The following CEACAM7 variants were observed in gnomAD, a reference collection of about 807,000 sequenced individuals.
CEACAM7 encodes the protein cell adhesion molecule CEACAM7.
CEACAM7 carries 24 observed loss-of-function variants against 25.7 expected under a neutral mutation model. The ratio of observed to expected loss-of-function variants is 0.93; its 90% CI spans 0.68 to 1.31. The LOEUF is 1.31. Ranked by LOEUF, CEACAM7 falls within the 40% of genes most tolerant of loss-of-function variation. CEACAM7 has a pLI of 0.00. For synonymous variants in CEACAM7, 144 were observed against 129.4 expected (o/e 1.11, Z -0.77); for missense variants, 324 against 330.1 (o/e 0.98, Z 0.14).
At position 41,673,397 on chromosome 19, in the gene CEACAM7, G is replaced by C. The variant is rs971110731; in HGVS notation, c.*1379C>G. ...ATAGCTCCTACTGGGCAATACAACA[G>C]TAGAACAGTGGGTTTTGTAAAATGG... On this transcript the variant is annotated 3_prime_UTR_variant, in exon 5 of 5. Coordinates refer to ENST00000401731, the MANE Select transcript of CEACAM7 (RefSeq NM_001291485.2). 3 of 152,226 alleles carry C rather than the reference G, an allele frequency of 2.0e-5. No homozygotes were observed. Among genetic ancestry groups the C allele is most frequent in the Non-Finnish European group, 4.4e-5 (3 of 68,036 alleles). The allele number at this position is 152,226 out of a possible 1,614,324, so 9.4% of individuals were successfully genotyped here.
In CEACAM7 at chr19:41,688,086, G is replaced by T. The variant is rs782056914; in HGVS notation, c.64+16C>A. 1.2e-6 allele frequency: 2 copies of T among 1,606,054 alleles called. No individual in the cohort carries two copies. Among genetic ancestry groups the T allele is most frequent in the Non-Finnish European group, 8.5e-7 (1 of 1,175,590 alleles). ...TGGCCCTCCTCCCACCCACTCCCAG[G>T]AAGTCCTCCCCTCACCTGTGAGCAG... is the stretch of plus-strand genomic sequence containing the variant. On this transcript the variant is annotated intron_variant, in intron 1 of 4. Coordinates refer to ENST00000401731, the MANE Select transcript of CEACAM7 (RefSeq NM_001291485.2).
intron 3 of CEACAM7, among the ~76,000 whole-genome samples, chr19:41,678,763 C>T (rs1030062741): frequency 1.3e-5 from 2 of 152,194 alleles, no homozygotes; most frequent in Non-Finnish European, 2.9e-5. Context: ...AGTTCCTCTG[C>T]ATGTGGCATT....
intron 2 of CEACAM7, 74 bp from the exon 3 acceptor site, chr19:41,684,137 GT>G: frequency 6.5e-7 from 1 of 1,538,092 alleles, no homozygotes; most frequent in Non-Finnish European, 8.9e-7. Context: ...TTCAATCAGA[GT>G]TGGCATCTCC....
chr19:41,678,882 G>T (rs10425592), intron 3 of CEACAM7, among the ~76,000 whole-genome samples: 1 of 152,068 alleles, frequency 6.6e-6, no homozygotes, highest in East Asian at 1.9e-4. Flanking sequence ...GAGAAGTTAA[G>T]AATCTTGTGC....
intron 1 of CEACAM7, among the ~76,000 whole-genome samples, chr19:41,687,557 T>A (rs1246598459): frequency 5.9e-5 from 9 of 152,240 alleles, no homozygotes; most frequent in African/African-American, 2.2e-4. Context: ...CCCTGCTCTG[T>A]TCCCTTTAGA....
intron 4 of CEACAM7, among the ~76,000 whole-genome samples, chr19:41,675,579 C>T (rs1391588563): frequency 6.6e-6 from 1 of 152,168 alleles, no homozygotes; most frequent in African/African-American, 2.4e-5. Flanking sequence ...AACTTGTATT[C>T]AAGACAACTT....
rs932005491 is a variant in CEACAM7, at chr19:41,677,647, T to G, written c.707-144A>C. The stretch of plus-strand genomic sequence containing the variant: ...TTGTGGGAAGGTTGCTGGGAGATGA[T>G]TATCCAACTAAATTCTTGCAGGTTT... On this transcript the variant is annotated intron_variant, in intron 3 of 4. Coordinates refer to ENST00000401731, the MANE Select transcript of CEACAM7 (RefSeq NM_001291485.2). 10 of 575,282 alleles carry G rather than the reference T, an allele frequency of 1.7e-5. No homozygotes were observed. In the East Asian group the frequency reaches 2.5e-4, roughly 14 times the overall value. 35.6% of individuals were successfully genotyped at this position (575,282 alleles called of 1,614,324 possible).
intron 3 of CEACAM7, among the ~76,000 whole-genome samples, 153 bp downstream of exon 3, chr19:41,683,632 C>T (rs1200713235): frequency 6.6e-6 from 1 of 152,164 alleles, no homozygotes; most frequent in Non-Finnish European, 1.5e-5. Flanking sequence ...CTGGGTCTGC[C>T]CAGGTTTGCT....
At chr19:41,686,756 T>C in intron 2 of CEACAM7, 103 bp downstream of exon 2, 1 of 1,304,180 alleles carries the variant, frequency 7.7e-7, no homozygotes, top group Non-Finnish European at 1.0e-6. Flanking sequence ...CAACACTGGA[T>C]AAAATGTAGA....
At chr19:41,679,122 C>T (rs1023046494) in intron 3 of CEACAM7, among the ~76,000 whole-genome samples, 7 of 151,390 alleles carry the variant, frequency 4.6e-5, no homozygotes, top group South Asian at 2.1e-4. Context: ...TTAATTAGAT[C>T]GACTAAGAAA....
At chr19:41,687,980 C>T in intron 1 of CEACAM7, 122 bp downstream of exon 1, 1 of 667,656 alleles carries the variant, frequency 1.5e-6, no homozygotes, top group South Asian at 2.7e-5. Context: ...TGTCTGGTGT[C>T]CTCTCCCAAA....
intron 2 of CEACAM7, among the ~76,000 whole-genome samples, chr19:41,684,301 G>A (rs8105464): frequency 0.055 from 8,339 of 152,222 alleles, 488 homozygotes; most frequent in African/African-American, 0.14. Context: ...GTGCAGCAGC[G>A]TTGGCCCATG....
At chr19:41,684,320 C>T (rs535717363) in intron 2 of CEACAM7, among the ~76,000 whole-genome samples, 1 of 152,340 alleles carries the variant, frequency 6.6e-6, no homozygotes, top group South Asian at 2.1e-4. Flanking sequence ...TGGACAGACC[C>T]AGGACCATCA....
rs962001920 is a variant in CEACAM7, at chr19:41,688,184, G to C, written c.-19C>G. The C allele has an allele frequency of 6.2e-7, 1 of 1,607,164 alleles. No individual in the cohort carries two copies. Among genetic ancestry groups the C allele is most frequent in the Non-Finnish European group, 8.5e-7 (1 of 1,176,370 alleles). On this transcript the variant is annotated 5_prime_UTR_variant, in exon 1 of 5. Coordinates refer to ENST00000401731, the MANE Select transcript of CEACAM7 (RefSeq NM_001291485.2). ...ACCCCATGGTCTCTGCTGCCTGCTT[G>C]TCCTCTGTGGAGAAGAGCTTGGGCT...
At chr19:41,680,729 C>T (rs1297488690) in intron 3 of CEACAM7, among the ~76,000 whole-genome samples, 2 of 152,078 alleles carry the variant, frequency 1.3e-5, no homozygotes, top group Non-Finnish European at 2.9e-5. Context: ...TGAATCTTTA[C>T]TTAACACCAT....
chr19:41,680,799 G>A (rs1416735411), intron 3 of CEACAM7, among the ~76,000 whole-genome samples: 1 of 151,814 alleles, frequency 6.6e-6, no homozygotes, highest in Non-Finnish European at 1.5e-5. Context: ...AAATCTAAGA[G>A]ATAAACCTAT....
chr19:41,684,161 C>T (rs1166223386), intron 2 of CEACAM7, 98 bp from the exon 3 acceptor site: 2 of 1,317,918 alleles, frequency 1.5e-6, no homozygotes, highest in African/African-American at 1.5e-5. Flanking sequence ...CCTCTAAGCC[C>T]ACTCAAGTCC....
chr19:41,682,837 G>A (rs532545211), intron 3 of CEACAM7, among the ~76,000 whole-genome samples: 3 of 152,340 alleles, frequency 2.0e-5, no homozygotes, highest in Admixed American at 1.3e-4. Flanking sequence ...ATTGATGACC[G>A]AGAGAACCCT....
At chr19:41,682,202 G>C (rs2072182666) in intron 3 of CEACAM7, among the ~76,000 whole-genome samples, 1 of 152,180 alleles carries the variant, frequency 6.6e-6, no homozygotes, top group African/African-American at 2.4e-5. Context: ...ACCTCTCGAA[G>C]TGCTGGAATT....
Sources: allele counts gnomAD v4.1 joint callset (sites outside exome capture counted in the v4.1 genomes callset), GRCh38; gene constraint gnomAD v4.1.1; transcripts MANE v1.5; gene names NCBI Gene and HGNC (gene_info 2026-07-23, HGNC 2026-07-21).